The following FTCDNL1 variants were observed in gnomAD, a reference collection of about 807,000 sequenced individuals.
FTCDNL1 encodes formiminotransferase cyclodeaminase N-terminal like, also known as formiminotransferase N-terminal subdomain-containing protein.
Under a neutral mutation model 5.9 loss-of-function variants are expected in FTCDNL1, and 11 were observed. That is an observed-to-expected ratio of 1.87 (90% CI 1.18 to 3.10). The LOEUF (loss-of-function observed/expected upper bound fraction) is 3.10, where lower values mean the gene tolerates loss of function less well. Ranked by LOEUF, FTCDNL1 falls within the 30% of genes most tolerant of loss-of-function variation. FTCDNL1 has a pLI of 0.00. For missense variants in FTCDNL1, 115 were observed against 65.5 expected (o/e 1.76, Z -2.61); for synonymous variants, 58 against 24.8 (o/e 2.34, Z -3.99).
At chr2:199,830,311 G>A (rs1032678413) in intron 3 of FTCDNL1, among the ~76,000 whole-genome samples, 1 of 152,152 alleles carries the variant, frequency 6.6e-6, no homozygotes, top group Non-Finnish European at 1.5e-5. Context: ...GCTACAGTAT[G>A]TTTAAAAAGA....
At chr2:199,699,992 G>A in the FTCDNL1 span, among the ~76,000 whole-genome samples, 1 of 111,964 alleles carries the variant, frequency 8.9e-6, no homozygotes, top group Non-Finnish European at 2.2e-5. Flanking sequence ...ACTGGGACAA[G>A]ACAAGGATGC....
At chr2:199,765,894 T>A (rs1197961828) in intron 3 of FTCDNL1, among the ~76,000 whole-genome samples, 1 of 152,056 alleles carries the variant, frequency 6.6e-6, no homozygotes, top group Non-Finnish European at 1.5e-5. Context: ...TTCTCCTGCC[T>A]TGACACCCTG....
At chr2:199,690,565 C>T in the FTCDNL1 span, among the ~76,000 whole-genome samples, 1 of 152,202 alleles carries the variant, frequency 6.6e-6, no homozygotes, top group African/African-American at 2.4e-5. Flanking sequence ...AGAGGCTACC[C>T]TGCCCCATTC....
the FTCDNL1 span, among the ~76,000 whole-genome samples, chr2:199,711,608 C>T: frequency 1.3e-5 from 2 of 152,008 alleles, no homozygotes; most frequent in Admixed American, 6.6e-5. Flanking sequence ...GTGTGATTTA[C>T]CAACTGGTCT....
the FTCDNL1 span, among the ~76,000 whole-genome samples, chr2:199,732,527 TCA>T: frequency 1.3e-5 from 2 of 152,072 alleles, no homozygotes; most frequent in Non-Finnish European, 1.5e-5. Context: ...CAAAATGAAC[TCA>T]GTTACATCTC....
chr2:199,678,281 A>G, the FTCDNL1 span, among the ~76,000 whole-genome samples: 1 of 152,162 alleles, frequency 6.6e-6, no homozygotes. Context: ...GTGAGTATTC[A>G]TAATGAAAGT....
chr2:199,700,005 TC>T, the FTCDNL1 span, among the ~76,000 whole-genome samples: 80,697 of 151,164 alleles, frequency 0.53, 23,454 homozygotes, highest in South Asian at 0.69. Context: ...AAGGATGCCC[TC>T]TCTCACCACT....
downstream of FTCDNL1, among the ~76,000 whole-genome samples, chr2:199,759,386 C>T (rs1350301520): frequency 1.3e-5 from 2 of 151,666 alleles, no homozygotes; most frequent in East Asian, 1.9e-4. Flanking sequence ...AGAGCACTCC[C>T]TGCGAGTTAG....
chr2:199,829,768 A>G (rs1175757398), intron 3 of FTCDNL1, among the ~76,000 whole-genome samples: 6 of 152,214 alleles, frequency 3.9e-5, no homozygotes, highest in African/African-American at 1.2e-4. Context: ...ACTGCATTTC[A>G]GCAGCTCAAG....
intron 4 of FTCDNL1, among the ~76,000 whole-genome samples, chr2:199,814,486 C>T (rs994012521): frequency 6.6e-6 from 1 of 152,200 alleles, no homozygotes; most frequent in Non-Finnish European, 1.5e-5. Context: ...GCCTTTAAAT[C>T]TTTCAGAGTA....
intron 1 of FTCDNL1, among the ~76,000 whole-genome samples, 162 bp from the exon 2 acceptor site, chr2:199,849,131 A>G (rs1481141215): frequency 6.6e-6 from 1 of 152,244 alleles, no homozygotes; most frequent in Non-Finnish European, 1.5e-5. Context: ...CTCCAGATTG[A>G]CTAAAATAAG....
chr2:199,804,167 T>C (rs536597208), intron 3 of FTCDNL1, among the ~76,000 whole-genome samples: 1 of 152,288 alleles, frequency 6.6e-6, no homozygotes, highest in South Asian at 2.1e-4. Flanking sequence ...CAATGGATCC[T>C]AGCTAAACTA....
the FTCDNL1 span, among the ~76,000 whole-genome samples, chr2:199,735,883 T>C: frequency 2.2e-3 from 325 of 149,376 alleles, no homozygotes; most frequent in Non-Finnish European, 3.4e-3. Context: ...ATAACTACCA[T>C]CTATTTTTCC....
chr2:199,769,404 C>T (rs1225632533), intron 3 of FTCDNL1, among the ~76,000 whole-genome samples: 1 of 152,156 alleles, frequency 6.6e-6, no homozygotes, highest in Non-Finnish European at 1.5e-5. Context: ...GGGAGTTCCC[C>T]TGCACAAGTC....
the FTCDNL1 span, among the ~76,000 whole-genome samples, chr2:199,701,611 T>C: frequency 6.6e-6 from 1 of 152,188 alleles, no homozygotes; most frequent in East Asian, 1.9e-4. Flanking sequence ...ATATACACCA[T>C]GGAATACTAT....
rs1701042356 is a variant in FTCDNL1 at position 199,811,637 on chromosome 2, A to G, written c.*1068T>C. Among the ~76,000 whole-genome samples the G allele has an allele frequency of 6.6e-6, 1 of 152,242 alleles. No homozygotes were observed. The highest frequency in any genetic ancestry group is 2.4e-5 in the African/African-American group (1 of 41,476). On this transcript the variant is annotated 3_prime_UTR_variant, in exon 5 of 5. Transcript: ENST00000420128. ...AGTCACTTTCAAAGGAAGTTCCTGCATGTGGACTTGGGGCTTTCCCCATGA... is the reference window on the plus strand; with the variant it reads ...AGTCACTTTCAAAGGAAGTTCCTGCGTGTGGACTTGGGGCTTTCCCCATGA...
the FTCDNL1 span, among the ~76,000 whole-genome samples, chr2:199,696,156 C>T: frequency 5.3e-5 from 8 of 152,208 alleles, no homozygotes; most frequent in Admixed American, 4.6e-4. Flanking sequence ...AGGGCACACA[C>T]ATGCACATGC....
chr2:199,741,226 T>C, the FTCDNL1 span, among the ~76,000 whole-genome samples: 2 of 152,148 alleles, frequency 1.3e-5, no homozygotes, highest in Non-Finnish European at 2.9e-5. Flanking sequence ...CCGTGAGCTA[T>C]GATCGCTCCA....
intron 3 of FTCDNL1, among the ~76,000 whole-genome samples, chr2:199,836,241 T>C (rs911147886): frequency 6.6e-6 from 1 of 152,132 alleles, no homozygotes; most frequent in Non-Finnish European, 1.5e-5. Context: ...CATGGCTCAC[T>C]GCAGCCTCAA....
Sources: gnomAD v4.1 joint callset for allele counts (sites outside exome capture counted in the v4.1 genomes callset) on GRCh38, gnomAD v4.1.1 for gene constraint, MANE v1.5 for transcripts, NCBI Gene and HGNC (gene_info 2026-07-23, HGNC 2026-07-21) for gene names.